The following DBNDD1 variants were observed in gnomAD, a reference collection of about 807,000 sequenced individuals.
DBNDD1 encodes the protein dysbindin domain-containing protein 1.
A neutral mutation model predicts 17.0 loss-of-function variants in DBNDD1; 14 were observed. That is an observed-to-expected ratio of 0.82 (90% CI 0.54 to 1.29). DBNDD1 has a LOEUF of 1.29. Ranked by LOEUF, DBNDD1 falls within the 50% of genes most tolerant of loss-of-function variation. DBNDD1 has a pLI of 0.00. For missense variants in DBNDD1, 221 were observed against 216.2 expected, an observed-to-expected ratio of 1.02 and a Z score of -0.14; for synonymous variants, 105 against 102.0, an observed-to-expected ratio of 1.03 and a Z score of -0.18.
In DBNDD1 at chr16:90,013,262, T is replaced by TAAAAA. The variant is rs59831191; in HGVS notation, c.32-3837_32-3833dup. ...TGAGCAACAGAGCGAAACCTTGCCT[T>TAAAAA]AAAAAAAAAAAAAAAAAAAAAGACA... On this transcript the variant is annotated intron_variant, in intron 1 of 3. Transcript: ENST00000002501. Among the ~76,000 whole-genome samples the TAAAAA allele has an allele frequency of 1.6e-3, 79 of 49,132 alleles. 14 individuals carry two copies. The highest frequency in any genetic ancestry group is 0.019 in the Middle Eastern group (1 of 54). 32.2% of individuals were successfully genotyped at this position (49,132 alleles called of 152,430 possible).
At position 90,008,026 on chromosome 16, in the gene DBNDD1, AGG is replaced by A. The variant is rs1249569573; in HGVS notation, c.319+756_319+757del. ...GCCTCACCCCCCAAACACACCTCCC[AGG>A]ACGTCCCAAGGGGCCTCAGCCCACC... On this transcript the variant is annotated intron_variant, in intron 3 of 3. Transcript: ENST00000002501. Among the ~76,000 whole-genome samples, 112 of 87,832 alleles carry A rather than the reference AGG, an allele frequency of 1.3e-3. No homozygotes were observed. In the South Asian group the frequency reaches 0.013, roughly 10 times the overall value. 57.6% of individuals were successfully genotyped at this position (87,832 alleles called of 152,430 possible). A position where few individuals can be genotyped will look rare whatever the true frequency, so the allele number is the denominator to read the frequency against.
In DBNDD1 at chr16:90,019,397, C is replaced by G. The variant is rs1338883228; in HGVS notation, c.-56G>C. On this transcript the variant is annotated 5_prime_UTR_variant, in exon 1 of 4. Coordinates refer to ENST00000002501, the MANE Select transcript of DBNDD1 (RefSeq NM_001042610.3). The surrounding 1 kb of genome is among the most constrained non-coding windows in gnomAD (Gnocchi z 6.1). ...CGACGGCGGCGTCGCCTGGCCCGGG[C>G]GCCCCAACAGCTGCGGCAGCGACTC... 1.7e-5 allele frequency: 19 copies of G among 1,145,784 alleles called. No individual in the cohort carries two copies. The highest frequency in any genetic ancestry group is 2.1e-5 in the Non-Finnish European group (19 of 920,524). 71.0% of individuals were successfully genotyped at this position (1,145,784 alleles called of 1,614,324 possible). A position where few individuals can be genotyped will look rare whatever the true frequency, so the allele number is the denominator to read the frequency against.
At position 90,009,279 on chromosome 16, in the gene DBNDD1, C is replaced by T. The variant is rs1389891050; in HGVS notation, c.178+5G>A. ...AGCGTGCGCTGGGCAGGGAGCAGTA[C>T]TTACGCCTCCTCTCCGTGACCTGCA... On this transcript the variant is annotated splice_donor_5th_base_variant and intron_variant, in intron 2 of 3. Coordinates refer to ENST00000002501, the MANE Select transcript of DBNDD1 (RefSeq NM_001042610.3). 6 of 1,613,088 alleles carry T rather than the reference C, an allele frequency of 3.7e-6. No individual in the cohort carries two copies. Among genetic ancestry groups the T allele is most frequent in the Non-Finnish European group, 4.2e-6 (5 of 1,179,914 alleles).
intron 1 of DBNDD1, among the ~76,000 whole-genome samples, chr16:90,010,698 C>T (rs1484823376): frequency 6.6e-6 from 1 of 152,140 alleles, no homozygotes; most frequent in African/African-American, 2.4e-5. Context: ...GGCTGCTGAC[C>T]CAAAGCCGGG....
At chr16:90,012,342 A>G (rs768053781) in intron 1 of DBNDD1, among the ~76,000 whole-genome samples, 27 of 152,154 alleles carry the variant, frequency 1.8e-4, no homozygotes, top group Non-Finnish European at 3.8e-4. Context: ...TTTACAGGCC[A>G]GGCATGAACT....
intron 1 of DBNDD1, among the ~76,000 whole-genome samples, chr16:90,014,154 G>T (rs2035600364): frequency 2.0e-5 from 3 of 151,170 alleles, no homozygotes; most frequent in African/African-American, 2.4e-5. Context: ...TTGAGATGGA[G>T]TCTCGCTCTG....
intron 2 of DBNDD1, 153 bp from the exon 3 acceptor site, chr16:90,009,077 T>C (rs575494455): frequency 8.2e-7 from 1 of 1,217,104 alleles, no homozygotes; most frequent in Admixed American, 2.8e-5. Context: ...ATCTGATGAG[T>C]GTTGCGTATA....
intron 1 of DBNDD1, among the ~76,000 whole-genome samples, chr16:90,016,892 C>T (rs374562583): frequency 6.6e-6 from 1 of 152,318 alleles, no homozygotes; most frequent in East Asian, 1.9e-4. Context: ...GAGAGATGGT[C>T]GCAGAGGCAG....
intron 1 of DBNDD1, chr16:90,011,648 G>A (rs1345500681): frequency 2.2e-6 from 1 of 455,122 alleles, no homozygotes; most frequent in East Asian, 7.0e-5. Flanking sequence ...GGGTTGGGCG[G>A]GCTGGACGGG....
At chr16:90,011,629 C>T in intron 1 of DBNDD1, 1 of 454,696 alleles carries the variant, frequency 2.2e-6, no homozygotes, top group South Asian at 1.6e-5. Flanking sequence ...TGGCCCGTTT[C>T]AGGCCTGGGG....
chr16:90,009,848 C>G, intron 1 of DBNDD1: 1 of 1,105,744 alleles, frequency 9.0e-7, no homozygotes, highest in Non-Finnish European at 1.3e-6. Flanking sequence ...TCTTGGTCCC[C>G]TTCAAACCAG....
chr16:90,013,262 T>TAAAAAAAAAAAAGAAAAAAAAA (rs2035586810), intron 1 of DBNDD1, among the ~76,000 whole-genome samples: 1 of 49,182 alleles, frequency 2.0e-5, no homozygotes, highest in East Asian at 2.9e-4. Context: ...AACCTTGCCT[T>TAAAAAAAAAAAAGAAAAAAAAA]AAAAAAAAAA....
At chr16:90,011,121 C>G (rs2035547341) in intron 1 of DBNDD1, among the ~76,000 whole-genome samples, 1 of 152,228 alleles carries the variant, frequency 6.6e-6, no homozygotes, top group Non-Finnish European at 1.5e-5. Flanking sequence ...CCCTGAGGAC[C>G]CTGTGGGGTA....
intron 1 of DBNDD1, chr16:90,011,665 G>A (rs1047868552): frequency 2.6e-5 from 12 of 455,082 alleles, no homozygotes; most frequent in Middle Eastern, 3.2e-4. Context: ...CGGGGCTCTC[G>A]CGGAATCTGG....
intron 1 of DBNDD1, among the ~76,000 whole-genome samples, chr16:90,017,965 C>G (rs2035673415): frequency 6.6e-6 from 1 of 152,236 alleles, no homozygotes; most frequent in Non-Finnish European, 1.5e-5. Flanking sequence ...CCTGCTTTCT[C>G]TGCCTTTTAA....
rs139336830 is a variant in DBNDD1 at position 90,005,838 on chromosome 16, C to T, written c.*497G>A. 3 of 160,936 alleles carry T rather than the reference C, an allele frequency of 1.9e-5. No individual in the cohort carries two copies. The highest frequency in any genetic ancestry group is 7.2e-5 in the African/African-American group (3 of 41,926). 10.0% of individuals were successfully genotyped at this position (160,936 alleles called of 1,614,324 possible). ...TGCTTTGCTGGACAGCACATTGTCC[C>T]ATTAGCCACTACCAAACCCGCCTCT... On this transcript the variant is annotated 3_prime_UTR_variant, in exon 4 of 4. Transcript: ENST00000002501.
At chr16:90,011,866 G>A (rs2035561803) in intron 1 of DBNDD1, among the ~76,000 whole-genome samples, 1 of 152,214 alleles carries the variant, frequency 6.6e-6, no homozygotes, top group African/African-American at 2.4e-5. Flanking sequence ...CCAGCAGGAA[G>A]AAGCCTGCTT....
In DBNDD1 at chr16:90,006,379, CTG is replaced by C. The variant is rs1567831472; in HGVS notation, c.431_432del (p.Thr144SerfsTer132). 5 of 1,608,860 alleles carry C rather than the reference CTG, an allele frequency of 3.1e-6. No individual in the cohort carries two copies. The South Asian group carries it at 3.3e-5, about 11-fold the overall frequency. On this transcript the variant is annotated frameshift_variant, in exon 4 of 4. Transcript: ENST00000002501. LOFTEE classifies it high-confidence loss of function. ...TCCACAGTGAGAAACGTGTCCAGGA[CTG>C]TGGCCTGCCGCTCGGGGTCGCCTAG... ...QPLGDPERQA[T>X]VLDTFLTVER...
Position 90,009,366 on chromosome 16 carries a change from G to A in DBNDD1, c.96C>T (p.Asp32=), listed in dbSNP as rs763898899. 54 of 1,613,242 alleles carry A rather than the reference G, an allele frequency of 3.3e-5. No homozygotes were observed. Among genetic ancestry groups the A allele is most frequent in the Non-Finnish European group, 4.2e-5 (50 of 1,179,974 alleles). ...ALGVPAQGTG[D]NGHTPVEEEV... is the part of the protein sequence containing the mutation. Reference sequence around the variant, plus strand: ...CCTCCTCCACAGGCGTGTGGCCATTGTCCCCTGTCCCCTGGGCTGGGACGC... The same window carrying A: ...CCTCCTCCACAGGCGTGTGGCCATTATCCCCTGTCCCCTGGGCTGGGACGC... The change falls in exon 2 of 4, where the codon GAC becomes GAT. Residue 32 remains aspartate, a synonymous_variant. Transcript: ENST00000002501.
Sources: gnomAD v4.1 joint callset for allele counts (sites outside exome capture counted in the v4.1 genomes callset) on GRCh38, gnomAD v4.1.1 for gene constraint, Gnocchi (gnomAD v3.1) non-coding constraint, MANE v1.5 for transcripts, NCBI Gene and HGNC (gene_info 2026-07-23, HGNC 2026-07-21) for gene names.